DLG2: variants seen among roughly 807,000 people sequenced by gnomAD.
The protein encoded by DLG2 is discs large MAGUK scaffold protein 2, also known as disks large homolog 2.
In DLG2, 45 loss-of-function variants were observed where a neutral mutation model predicts 132.5. The observed-to-expected ratio is 0.34, with a 90% CI of 0.27 to 0.44. The LOEUF (loss-of-function observed/expected upper bound fraction) is 0.44. Ranked by LOEUF, DLG2 falls within the 20% of genes least tolerant of loss-of-function variation. DLG2 has a pLI of 1.00. For missense variants in DLG2, 1,045 were observed against 1,196.9 expected, an observed-to-expected ratio of 0.87 and a Z score of 1.87; for synonymous variants, 424 against 419.6, an observed-to-expected ratio of 1.01 and a Z score of -0.13.
At chr11:84,714,050 G>C (rs932499633) in intron 6 of DLG2, among the ~76,000 whole-genome samples, 9 of 151,782 alleles carry the variant, frequency 5.9e-5, no homozygotes, top group African/African-American at 2.2e-4. Context: ...TGGGAAACTA[G>C]GAAAATACAC....
At chr11:84,280,247 A>T (rs1216252967) in intron 7 of DLG2, among the ~76,000 whole-genome samples, 4 of 152,224 alleles carry the variant, frequency 2.6e-5, no homozygotes, top group South Asian at 4.1e-4. Flanking sequence ...AAATTAAAAT[A>T]AAAAATAATG....
At chr11:84,913,753 T>C (rs2092279099) in intron 6 of DLG2, among the ~76,000 whole-genome samples, 1 of 152,222 alleles carries the variant, frequency 6.6e-6, no homozygotes, top group African/African-American at 2.4e-5. Flanking sequence ...CTATAATTTC[T>C]ATAATAAACA....
rs534029570 is a variant in DLG2 at position 84,728,486 on chromosome 11, G to A, written c.358-193755C>T. On this transcript the variant is annotated intron_variant, in intron 6 of 27. Coordinates refer to ENST00000376104, the MANE Select transcript of DLG2 (RefSeq NM_001142699.3). ...GCTTCCTGATGTGCTGCTGGATTTGGTTTGCCAGTATTTTATTGAGGACCT... is the reference window on the plus strand; with the variant it reads ...GCTTCCTGATGTGCTGCTGGATTTGATTTGCCAGTATTTTATTGAGGACCT... 4.4e-4 allele frequency among the ~76,000 whole-genome samples: 67 copies of A among 152,196 alleles called. 1 individual carries two copies. Among genetic ancestry groups the A allele is most frequent in the African/African-American group, 1.3e-3 (56 of 41,546 alleles).
At chr11:84,299,794 G>C (rs1186985099) in intron 7 of DLG2, among the ~76,000 whole-genome samples, 1 of 152,090 alleles carries the variant, frequency 6.6e-6, no homozygotes, top group African/African-American at 2.4e-5. Flanking sequence ...CTATTTAACT[G>C]TTATCATTCC....
chr11:83,890,238 C>G (rs1242260477), intron 15 of DLG2, among the ~76,000 whole-genome samples: 4 of 152,002 alleles, frequency 2.6e-5, no homozygotes, highest in Non-Finnish European at 5.9e-5. Flanking sequence ...TCAAATTGCC[C>G]TGGATATCTT....
intron 20 of DLG2, among the ~76,000 whole-genome samples, chr11:83,539,707 A>T (rs1400589266): frequency 6.6e-6 from 1 of 151,076 alleles, no homozygotes; most frequent in African/African-American, 2.4e-5. Context: ...AAAAAGTAGA[A>T]TGTAAATAAA....
chr11:85,052,075 A>C (rs2062953374), intron 6 of DLG2, among the ~76,000 whole-genome samples: 1 of 152,194 alleles, frequency 6.6e-6, no homozygotes. Flanking sequence ...TCTCTTTTGG[A>C]TCAAGAAGAA....
intron 18 of DLG2, among the ~76,000 whole-genome samples, chr11:83,742,600 G>T (rs2092610933): frequency 6.6e-6 from 1 of 152,100 alleles, no homozygotes; most frequent in Non-Finnish European, 1.5e-5. Context: ...CTTTTGAAGG[G>T]ATTGAATTAG....
chr11:83,528,677 A>C (rs2095665876), intron 21 of DLG2, among the ~76,000 whole-genome samples: 1 of 152,164 alleles, frequency 6.6e-6, no homozygotes, highest in African/African-American at 2.4e-5. Flanking sequence ...TCTCAACCTG[A>C]TGCTTGCACC....
chr11:84,444,187 G>T (rs2099025864), intron 7 of DLG2, among the ~76,000 whole-genome samples: 1 of 151,960 alleles, frequency 6.6e-6, no homozygotes, highest in African/African-American at 2.4e-5. Context: ...CATGGTTGGG[G>T]CAGGGTAAAC....
chr11:83,950,362 A>C (rs1018056089), intron 14 of DLG2, among the ~76,000 whole-genome samples: 1 of 152,214 alleles, frequency 6.6e-6, no homozygotes, highest in African/African-American at 2.4e-5. Flanking sequence ...TGGGAGGCTG[A>C]GGTGGGTGGA....
At chr11:85,596,954 A>C (rs2079817528) in intron 3 of DLG2, among the ~76,000 whole-genome samples, 1 of 152,226 alleles carries the variant, frequency 6.6e-6, no homozygotes, top group South Asian at 2.1e-4. Context: ...TCCTAAAATG[A>C]CTTTTAACGA....
intron 6 of DLG2, among the ~76,000 whole-genome samples, chr11:84,747,444 C>T (rs999239879): frequency 3.9e-5 from 6 of 152,104 alleles, no homozygotes; most frequent in Admixed American, 3.9e-4. Flanking sequence ...AAAGCATGGG[C>T]TTTGTTGTCT....
intron 11 of DLG2, among the ~76,000 whole-genome samples, chr11:84,016,146 T>A (rs2095171148): frequency 1.3e-5 from 2 of 152,168 alleles, no homozygotes; most frequent in South Asian, 4.1e-4. Flanking sequence ...ATGTTGAGCT[T>A]TTTTTTCATG....
chr11:84,947,585 C>G (rs574538458), intron 6 of DLG2, among the ~76,000 whole-genome samples: 2 of 152,212 alleles, frequency 1.3e-5, no homozygotes, highest in African/African-American at 4.8e-5. Flanking sequence ...TGCTTTCCTA[C>G]ACCCTTACCC....
intron 6 of DLG2, among the ~76,000 whole-genome samples, chr11:84,744,969 C>A (rs1219567250): frequency 1.3e-5 from 2 of 148,274 alleles, no homozygotes; most frequent in African/African-American, 2.5e-5. Flanking sequence ...CATCTTTTAA[C>A]CAAACAGATA....
In DLG2 at chr11:83,942,757, TG is replaced by T. The variant is rs1459426818; in HGVS notation, c.1341-12275del. Among the ~76,000 whole-genome samples the T allele has an allele frequency of 5.9e-5, 9 of 152,360 alleles. No individual in the cohort carries two copies. The East Asian group carries it at 1.5e-3, about 26-fold the overall frequency. Reference sequence around the variant, plus strand: ...AAATTAATTTTTTAAAAATATTTTTTGTACCCCATAAGGGGATAGATCTTGA... The same window carrying T: ...AAATTAATTTTTTAAAAATATTTTTTTACCCCATAAGGGGATAGATCTTGA... On this transcript the variant is annotated intron_variant, in intron 14 of 27. Coordinates refer to ENST00000376104, the MANE Select transcript of DLG2 (RefSeq NM_001142699.3).
chr11:84,810,759 T>A (rs1295890157), intron 6 of DLG2, among the ~76,000 whole-genome samples: 4 of 152,050 alleles, frequency 2.6e-5, no homozygotes, highest in Non-Finnish European at 5.9e-5. Context: ...TGTTCAGCAA[T>A]AAAAAGTAAC....
rs183551390 is a variant in DLG2, at chr11:84,880,988, C to T, written c.357+230673G>A. Among the ~76,000 whole-genome samples, 26 of 152,134 alleles carry T rather than the reference C, an allele frequency of 1.7e-4. 1 individual carries two copies. In the East Asian group the frequency reaches 4.6e-3, roughly 27 times the overall value. On this transcript the variant is annotated intron_variant, in intron 6 of 27. Transcript: ENST00000376104. ...AAAAACTAACAGATCTTTACGTTTT[C>T]GTGGGTCAGATATAATTGTAAATAA...
Sources: gnomAD v4.1 joint callset for allele counts (sites outside exome capture counted in the v4.1 genomes callset) on GRCh38, gnomAD v4.1.1 for gene constraint, MANE v1.5 for transcripts, NCBI Gene and HGNC (gene_info 2026-07-23, HGNC 2026-07-21) for gene names.